The following KIAA1671 variants were observed in gnomAD, a reference collection of about 807,000 sequenced individuals.
The protein encoded by KIAA1671 is uncharacterized protein KIAA1671.
Under a neutral mutation model 131.2 loss-of-function variants are expected in KIAA1671, and 52 were observed. The observed-to-expected ratio is 0.40, with a 90% CI of 0.32 to 0.50. KIAA1671 has a LOEUF of 0.50. KIAA1671 is among the 20% of genes least tolerant of loss of function. The probability of loss-of-function intolerance (pLI) is 0.73; values close to 1 mark genes in which losing one functional copy is unlikely to be tolerated. For synonymous variants in KIAA1671, 1,003 were observed against 961.6 expected (o/e 1.04, Z -0.80); for missense variants, 2,360 against 2,364.2 (o/e 1.00, Z 0.04).
At chr22:25,089,928 G>A (rs1310708000) in intron 6 of KIAA1671, among the ~76,000 whole-genome samples, 1 of 152,212 alleles carries the variant, frequency 6.6e-6, no homozygotes, top group African/African-American at 2.4e-5. Flanking sequence ...GGGACTGGCA[G>A]GGGTGATGGA....
At chr22:25,188,926 A>G (rs1200653902) in intron 11 of KIAA1671, among the ~76,000 whole-genome samples, 1 of 152,240 alleles carries the variant, frequency 6.6e-6, no homozygotes, top group South Asian at 2.1e-4. Context: ...GGTCAGCTGT[A>G]TATACATGTA....
chr22:25,195,765 C>T lies in KIAA1671; in HGVS notation c.*3364C>T, dbSNP rs1344563653. On this transcript the variant is annotated 3_prime_UTR_variant, in exon 13 of 13. Transcript: ENST00000358431. The stretch of plus-strand genomic sequence containing the variant: ...TCTTTATAATGCCCCCAGATGGCTC[C>T]TGGAACTAGTCGTAATTGCAAACTG... The T allele has an allele frequency of 6.6e-6, 1 of 152,114 alleles. No homozygotes were observed. Among genetic ancestry groups the T allele is most frequent in the East Asian group, 1.9e-4 (1 of 5,168 alleles). The allele number at this position is 152,114 out of a possible 1,614,324, so 9.4% of individuals were successfully genotyped here.
chr22:25,189,126 C>CTTTTTTT (rs200226589), intron 11 of KIAA1671, among the ~76,000 whole-genome samples: 54 of 114,776 alleles, frequency 4.7e-4, no homozygotes, highest in African/African-American at 9.7e-4. Flanking sequence ...CAGTCTTTTT[C>CTTTTTTT]TTTTTTTTTT....
At chr22:25,110,627 C>T (rs146742081) in intron 6 of KIAA1671, among the ~76,000 whole-genome samples, 13 of 152,320 alleles carry the variant, frequency 8.5e-5, no homozygotes, top group African/African-American at 2.9e-4. Flanking sequence ...AGCTGCTGCC[C>T]ACCCCCTTCT....
chr22:25,187,699 C>T (rs1291318755), intron 11 of KIAA1671, among the ~76,000 whole-genome samples: 1 of 152,040 alleles, frequency 6.6e-6, no homozygotes. Context: ...TTTGTAGAGA[C>T]AAGATTTCGC....
Position 25,029,033 on chromosome 22 carries a change from TG to T in KIAA1671, c.1036del (p.Glu346ArgfsTer66). On this transcript the variant is annotated frameshift_variant, in exon 3 of 13. Coordinates refer to ENST00000358431, the MANE Select transcript of KIAA1671 (RefSeq NM_001145206.2). LOFTEE classifies it high-confidence loss of function. Reference protein sequence around the residue: ...APLHDPDLDFLEVAKKIRERK... With the variant: ...APLHDPDLDFXEVAKKIRERK... ...CTTCATGATCCTGATTTGGACTTCC[TG>T]GAGGTGGCCAAGAAAATCCGTGAAC... The T allele has an allele frequency of 6.6e-7, 1 of 1,506,116 alleles. No homozygotes were observed. The highest frequency in any genetic ancestry group is 8.9e-7 in the Non-Finnish European group (1 of 1,126,758). The allele number at this position is 1,506,116 out of a possible 1,614,324, so 93.3% of individuals were successfully genotyped here.
intron 6 of KIAA1671, among the ~76,000 whole-genome samples, chr22:25,156,563 A>G (rs1208764183): frequency 6.6e-6 from 1 of 151,514 alleles, no homozygotes; most frequent in African/African-American, 2.4e-5. Context: ...GTGTCTTTGC[A>G]TGTGTGTATA....
chr22:24,992,613 G>C (rs567942895), intron 1 of KIAA1671, among the ~76,000 whole-genome samples: 35 of 152,006 alleles, frequency 2.3e-4, no homozygotes, highest in African/African-American at 6.8e-4. Flanking sequence ...TCAGGAGTTC[G>C]AGACCAGCTT....
chr22:25,007,641 C>CATGT (rs1465058916), intron 1 of KIAA1671, among the ~76,000 whole-genome samples: 2 of 152,132 alleles, frequency 1.3e-5, no homozygotes, highest in Non-Finnish European at 2.9e-5. Flanking sequence ...CCACCAGTGC[C>CATGT]ATGTCAGTTT....
At chr22:25,032,497 A>G in intron 3 of KIAA1671, 112 bp from the exon 4 acceptor site, 1 of 590,836 alleles carries the variant, frequency 1.7e-6, no homozygotes, top group African/African-American at 1.8e-5. Flanking sequence ...TGGTAAGTGG[A>G]AAGGAAATGT....
intron 6 of KIAA1671, among the ~76,000 whole-genome samples, chr22:25,114,332 G>T (rs1279806065): frequency 6.6e-6 from 1 of 152,202 alleles, no homozygotes; most frequent in Non-Finnish European, 1.5e-5. Context: ...CAAGGCCTTG[G>T]TATGAGATTG....
In KIAA1671 at chr22:24,955,533, GC is replaced by G. The variant is rs1921646038; in HGVS notation, c.-208+2763del. On this transcript the variant is annotated intron_variant, in intron 1 of 12. Coordinates refer to ENST00000358431, the MANE Select transcript of KIAA1671 (RefSeq NM_001145206.2). ...GTGAGTGCCTAGGGTGTTGACTGGG[GC>G]CAGGCCAGCCATGCTTAGTGGTTTG... Among the ~76,000 whole-genome samples, 6 of 152,312 alleles carry G rather than the reference GC, an allele frequency of 3.9e-5. No homozygotes were observed. The South Asian group carries it at 1.2e-3, about 32-fold the overall frequency.
At chr22:25,061,039 T>G (rs1928131067) in intron 6 of KIAA1671, 1 of 152,216 alleles carries the variant, frequency 6.6e-6, no homozygotes, top group Admixed American at 6.5e-5. Context: ...CTTAGGATGT[T>G]CCTCTGCAGC....
chr22:24,955,763 C>T (rs976165801), intron 1 of KIAA1671, among the ~76,000 whole-genome samples: 14 of 152,016 alleles, frequency 9.2e-5, no homozygotes, highest in African/African-American at 3.1e-4. Context: ...CGGTGGCTCA[C>T]GCCTGTAATC....
intron 1 of KIAA1671, among the ~76,000 whole-genome samples, chr22:24,997,323 CG>C (rs1569201722): frequency 6.6e-6 from 1 of 152,132 alleles, no homozygotes; most frequent in Non-Finnish European, 1.5e-5. Flanking sequence ...TTAGCTCTCA[CG>C]AGTACTGATG....
intron 4 of KIAA1671, among the ~76,000 whole-genome samples, chr22:25,037,648 G>A (rs111336112): frequency 2.0e-5 from 3 of 151,778 alleles, no homozygotes; most frequent in Admixed American, 6.6e-5. Context: ...TTGTGTCCTC[G>A]TCTCCCATTC....
chr22:25,025,524 A>G (rs1925900567), intron 1 of KIAA1671, 109 bp from the exon 2 acceptor site: 1 of 152,248 alleles, frequency 6.6e-6, no homozygotes, highest in Non-Finnish European at 1.5e-5. Context: ...ACGTTTTACA[A>G]GCTGGAGTAG....
At position 25,010,810 on chromosome 22, in the gene KIAA1671, G is replaced by A. The variant is rs187339528; in HGVS notation, c.-207-14823G>A. The stretch of plus-strand genomic sequence containing the variant: ...TTATTTTTCACATAAAAAATCAAGA[G>A]GAGAGTAGTTCAGAGTTAGGGCAGT... On this transcript the variant is annotated intron_variant, in intron 1 of 12. Coordinates refer to ENST00000358431, the MANE Select transcript of KIAA1671 (RefSeq NM_001145206.2). 1.8e-3 allele frequency: 271 copies of A among 152,318 alleles called. 1 individual carries two copies. The highest frequency in any genetic ancestry group is 6.2e-3 in the African/African-American group (258 of 41,572). The allele number at this position is 152,318 out of a possible 1,614,324, so 9.4% of individuals were successfully genotyped here.
chr22:25,023,952 A>AC (rs1925804827), intron 1 of KIAA1671: 1 of 151,434 alleles, frequency 6.6e-6, no homozygotes, highest in African/African-American at 2.4e-5. Flanking sequence ...TTCAAAAAAA[A>AC]AAAATCCCAA....
Sources: gnomAD v4.1 joint callset for allele counts (sites outside exome capture counted in the v4.1 genomes callset) on GRCh38, gnomAD v4.1.1 for gene constraint, MANE v1.5 for transcripts, NCBI Gene and HGNC (gene_info 2026-07-23, HGNC 2026-07-21) for gene names.